Variants in TYW1B observed in about 807,000 individuals in gnomAD.
The protein encoded by TYW1B is tRNA-yW synthesizing protein 1 homolog B.
In TYW1B, 73 loss-of-function variants were observed where a neutral mutation model predicts 86.9. That is an observed-to-expected ratio of 0.84 (90% confidence interval 0.70 to 1.02). The LOEUF is 1.02. Among genes scored for constraint, TYW1B ranks in the 50% least tolerant of loss-of-function variants. TYW1B has a pLI of 0.00. For synonymous variants in TYW1B, 248 were observed against 292.8 expected (o/e 0.85, Z 1.56); for missense variants, 637 against 827.4 (o/e 0.77, Z 2.82).
chr7:72,615,320 T>C (rs1812043364), intron 13 of TYW1B, among the ~76,000 whole-genome samples: 1 of 152,228 alleles, frequency 6.6e-6, no homozygotes, highest in African/African-American at 2.4e-5. Flanking sequence ...AGATGCCTTG[T>C]AGTATAAAAA....
intron 10 of TYW1B, among the ~76,000 whole-genome samples, chr7:72,709,752 C>T (rs1554454357): frequency 6.6e-6 from 1 of 152,164 alleles, no homozygotes; most frequent in Non-Finnish European, 1.5e-5. Context: ...AGAGTAAACC[C>T]ATCCACTTTT....
At chr7:72,644,055 T>C (rs1204669168) in intron 11 of TYW1B, among the ~76,000 whole-genome samples, 2 of 152,164 alleles carry the variant, frequency 1.3e-5, no homozygotes, top group Admixed American at 6.6e-5. Flanking sequence ...GTAACCAAGA[T>C]GAGTTTACTG....
At chr7:72,632,388 G>GTATATATATATATAATATATATACA in intron 11 of TYW1B, among the ~76,000 whole-genome samples, 1 of 70,324 alleles carries the variant, frequency 1.4e-5, no homozygotes, top group African/African-American at 8.1e-5. Flanking sequence ...ATATATATAC[G>GTATATATATATATAATATATATACA]TATATATATA....
chr7:72,681,712 A>G (rs1813879149), intron 11 of TYW1B, among the ~76,000 whole-genome samples: 1 of 148,340 alleles, frequency 6.7e-6, no homozygotes, highest in Admixed American at 6.9e-5. Flanking sequence ...CTCCTGCCTC[A>G]GCCTCCCGAG....
At chr7:72,694,384 T>G (rs1412995666) in intron 11 of TYW1B, among the ~76,000 whole-genome samples, 1 of 152,212 alleles carries the variant, frequency 6.6e-6, no homozygotes, top group Non-Finnish European at 1.5e-5. Context: ...CTAGGACCAA[T>G]TGTTATTAAT....
chr7:72,819,632 C>T lies in TYW1B; in HGVS notation c.136-4151G>A, dbSNP rs114688914. ...ATTTTTTGTAGAGATAGAGTTTTGC[C>T]GTGTTGCACAGGTTGGTCTCGAACT... On this transcript the variant is annotated intron_variant, in intron 2 of 13. Coordinates refer to ENST00000620995, the MANE Select transcript of TYW1B (RefSeq NM_001145440.3). 5.3e-3 allele frequency among the ~76,000 whole-genome samples: 801 copies of T among 152,204 alleles called. 9 individuals are homozygous for T. The highest frequency in any genetic ancestry group is 0.018 in the African/African-American group (731 of 41,536).
At chr7:72,587,727 G>A (rs1811305820) in intron 13 of TYW1B, among the ~76,000 whole-genome samples, 1 of 152,298 alleles carries the variant, frequency 6.6e-6, no homozygotes, top group East Asian at 1.9e-4. Context: ...TAATTTCTTA[G>A]TCCTACAAAC....
intron 9 of TYW1B, among the ~76,000 whole-genome samples, chr7:72,715,531 T>C (rs1333703598): frequency 3.3e-5 from 5 of 152,110 alleles, no homozygotes; most frequent in Admixed American, 2.0e-4. Context: ...GGCAAAATTA[T>C]GTATCCTAAG....
chr7:72,807,022 G>A, intron 5 of TYW1B, 44 bp downstream of exon 5: 1 of 1,587,308 alleles, frequency 6.3e-7, no homozygotes, highest in East Asian at 2.2e-5. Context: ...AGATCTCCAA[G>A]CAGAGGGGGA....
At chr7:72,825,788 A>G (rs1383881045) in intron 2 of TYW1B, among the ~76,000 whole-genome samples, 4 of 152,196 alleles carry the variant, frequency 2.6e-5, no homozygotes, top group Non-Finnish European at 5.9e-5. Context: ...ACCCATGGGC[A>G]TCGATAATGG....
At chr7:72,808,694 A>C (rs1209269555) in intron 4 of TYW1B, among the ~76,000 whole-genome samples, 1 of 151,676 alleles carries the variant, frequency 6.6e-6, no homozygotes, top group East Asian at 1.9e-4. Flanking sequence ...TGCCCGGCTA[A>C]TTTTGTATTT....
chr7:72,650,069 GTTTT>G (rs58355823), intron 11 of TYW1B, among the ~76,000 whole-genome samples: 2 of 131,552 alleles, frequency 1.5e-5, no homozygotes, highest in South Asian at 2.4e-4. Context: ...TTTTTTGTTG[GTTTT>G]TTTTTTTTTT....
chr7:72,588,721 C>T lies in TYW1B; in HGVS notation c.1786-13002G>A, dbSNP rs184522974. Among the ~76,000 whole-genome samples the T allele has an allele frequency of 1.2e-4, 19 of 152,236 alleles. 1 individual carries two copies. In the East Asian group the frequency reaches 3.7e-3, roughly 29 times the overall value. On this transcript the variant is annotated intron_variant, in intron 13 of 13. Transcript: ENST00000620995. ...GGACATTTCACCTTCCCTACCTTGT[C>T]TGTACAATGTACTTGTTCAAAGTAG...
At chr7:72,620,267 C>T (rs1812181615) in intron 12 of TYW1B, among the ~76,000 whole-genome samples, 1 of 151,960 alleles carries the variant, frequency 6.6e-6, no homozygotes, top group African/African-American at 2.4e-5. Context: ...CGTGGTGGTG[C>T]CCGCCTGTAA....
chr7:72,610,300 C>G (rs1811902316), intron 13 of TYW1B, among the ~76,000 whole-genome samples: 2 of 152,180 alleles, frequency 1.3e-5, no homozygotes, highest in Non-Finnish European at 2.9e-5. Flanking sequence ...ATAATCTGGA[C>G]TCCATAATTC....
intron 11 of TYW1B, among the ~76,000 whole-genome samples, chr7:72,631,643 A>G (rs1563038035): frequency 6.6e-6 from 1 of 152,230 alleles, no homozygotes; most frequent in Non-Finnish European, 1.5e-5. Flanking sequence ...GAATTACTGG[A>G]GAATATATGA....
chr7:72,756,201 T>TTTTTTTTTTA (rs1381484640), intron 7 of TYW1B, among the ~76,000 whole-genome samples: 7 of 138,788 alleles, frequency 5.0e-5, no homozygotes, highest in Non-Finnish European at 9.3e-5. Context: ...GTTTATTATT[T>TTTTTTTTTTA]TTTTATTTTA....
chr7:72,670,225 C>G (rs1247554027), intron 11 of TYW1B, among the ~76,000 whole-genome samples: 1 of 152,190 alleles, frequency 6.6e-6, no homozygotes, highest in East Asian at 1.9e-4. Context: ...GAGTTCCACT[C>G]TTGTTGCCCA....
intron 10 of TYW1B, among the ~76,000 whole-genome samples, chr7:72,712,036 C>T (rs868990731): frequency 6.6e-6 from 1 of 151,970 alleles, no homozygotes; most frequent in Admixed American, 6.6e-5. Context: ...TTTGGTGTTA[C>T]AGCATGTGCC....
Sources: allele counts gnomAD v4.1 joint callset (sites outside exome capture counted in the v4.1 genomes callset), GRCh38; gene constraint gnomAD v4.1.1; transcripts MANE v1.5; gene names NCBI Gene and HGNC (gene_info 2026-07-23, HGNC 2026-07-21).